The following ABCC4 variants were observed in gnomAD, a reference collection of about 807,000 sequenced individuals.
ABCC4 encodes the protein ATP-binding cassette sub-family C member 4.
A neutral mutation model predicts 168.5 loss-of-function variants in ABCC4; 102 were observed. The ratio of observed to expected loss-of-function variants is 0.61; its 90% CI spans 0.52 to 0.71. The LOEUF (loss-of-function observed/expected upper bound fraction) is 0.71, where lower values mean the gene tolerates loss of function less well. Ranked by LOEUF, ABCC4 falls within the 30% of genes least tolerant of loss-of-function variation. ABCC4 has a pLI of 0.00. For missense variants in ABCC4, 1,402 were observed against 1,605.8 expected (o/e 0.87, Z 2.17); for synonymous variants, 617 against 590.7 (o/e 1.04, Z -0.65).
chr13:95,235,070 T>G (rs2039728249), intron 3 of ABCC4, among the ~76,000 whole-genome samples: 1 of 151,878 alleles, frequency 6.6e-6, no homozygotes, highest in African/African-American at 2.4e-5. Flanking sequence ...TTTTTTTTTT[T>G]GGTCAAGACA....
At chr13:95,061,164 T>C (rs563846936) in intron 26 of ABCC4, among the ~76,000 whole-genome samples, 31 of 152,348 alleles carry the variant, frequency 2.0e-4, no homozygotes, top group Admixed American at 1.9e-3. Context: ...ACACGAGCTA[T>C]TTCCACCTTT....
At chr13:95,245,028 C>T (rs2040070969) in intron 3 of ABCC4, among the ~76,000 whole-genome samples, 1 of 152,134 alleles carries the variant, frequency 6.6e-6, no homozygotes, top group Admixed American at 6.5e-5. Flanking sequence ...GGCCTGTCCT[C>T]AAGTCTCAGG....
intron 1 of ABCC4, chr13:95,266,309 G>A (rs1452427593): frequency 6.6e-6 from 1 of 152,416 alleles, no homozygotes; most frequent in Non-Finnish European, 1.5e-5. Context: ...AACACAGGTA[G>A]AGACTCAAGT....
intron 3 of ABCC4, 111 bp from the exon 4 acceptor site, chr13:95,234,945 T>TA (rs1306293097): frequency 2.6e-5 from 20 of 781,070 alleles, no homozygotes; most frequent in Non-Finnish European, 3.8e-5. Context: ...TGCTGGAGTA[T>TA]AGTGGCACAA....
chr13:95,228,920 A>G (rs2039543747), intron 4 of ABCC4, among the ~76,000 whole-genome samples: 8 of 152,136 alleles, frequency 5.3e-5, no homozygotes, highest in Admixed American at 5.2e-4. Flanking sequence ...GGAAATGGTC[A>G]AGAGGAGAGG....
intron 19 of ABCC4, among the ~76,000 whole-genome samples, chr13:95,153,555 G>A (rs1167309099): frequency 6.6e-6 from 1 of 152,168 alleles, no homozygotes; most frequent in Non-Finnish European, 1.5e-5. Flanking sequence ...ACACAGTTAA[G>A]TAAAATGTCA....
chr13:95,164,861 A>AT (rs1444123149), intron 15 of ABCC4, among the ~76,000 whole-genome samples: 1 of 151,932 alleles, frequency 6.6e-6, no homozygotes, highest in East Asian at 1.9e-4. Flanking sequence ...CGCCTGGCTA[A>AT]TTTTTTGTAT....
At chr13:95,188,368 G>A in intron 10 of ABCC4, 85 bp downstream of exon 10, 1 of 1,237,122 alleles carries the variant, frequency 8.1e-7, no homozygotes, top group Non-Finnish European at 1.2e-6. Context: ...TCAAAATTGT[G>A]TTACACGTAG....
chr13:95,096,652 G>A (rs1343849600), intron 20 of ABCC4, among the ~76,000 whole-genome samples: 1 of 151,886 alleles, frequency 6.6e-6, no homozygotes, highest in African/African-American at 2.4e-5. Context: ...TGTGATATAT[G>A]TACAGTGCCA....
intron 19 of ABCC4, among the ~76,000 whole-genome samples, chr13:95,159,400 CT>C: frequency 6.6e-6 from 1 of 151,908 alleles, no homozygotes; most frequent in East Asian, 1.9e-4. Context: ...TAAAGTCATG[CT>C]AATAGATATA....
chr13:95,035,312 T>C lies in ABCC4; in HGVS notation c.3736-573A>G, dbSNP rs142537554. ...CCAAGAGGGGCTAAACTCTGGATGG[T>C]GAGGTTAAGGTGCATTCTGAAATCG... On this transcript the variant is annotated intron_variant, in intron 29 of 30. Coordinates refer to ENST00000645237, the MANE Select transcript of ABCC4 (RefSeq NM_005845.5). Among the ~76,000 whole-genome samples the C allele has an allele frequency of 4.6e-5, 7 of 152,260 alleles. No homozygotes were observed. In the East Asian group the frequency reaches 1.4e-3, roughly 29 times the overall value.
intron 1 of ABCC4, among the ~76,000 whole-genome samples, chr13:95,290,578 G>A (rs749511167): frequency 7.9e-5 from 12 of 152,008 alleles, no homozygotes; most frequent in Non-Finnish European, 1.5e-4. Flanking sequence ...AGTGCCACAT[G>A]CCTATAATCC....
chr13:95,251,276 CCCTTTCAG>C (rs1313966449), intron 1 of ABCC4, among the ~76,000 whole-genome samples: 1 of 152,072 alleles, frequency 6.6e-6, no homozygotes, highest in Non-Finnish European at 1.5e-5. Flanking sequence ...TCCTTTTGTC[CCCTTTCAG>C]CTCTCTTTTA....
chr13:95,247,840 T>G, intron 1 of ABCC4, 87 bp from the exon 2 acceptor site: 1 of 985,894 alleles, frequency 1.0e-6, no homozygotes, highest in Non-Finnish European at 1.6e-6. Flanking sequence ...TGCTTAAACT[T>G]ACCTTTAAAA....
chr13:95,232,851 T>C (rs1594347253), intron 4 of ABCC4, among the ~76,000 whole-genome samples: 1 of 152,174 alleles, frequency 6.6e-6, no homozygotes, highest in Non-Finnish European at 1.5e-5. Flanking sequence ...CAGCAAACTA[T>C]GGTATTATTT....
At chr13:95,095,747 A>T (rs1462300085) in intron 20 of ABCC4, 1 of 158,270 alleles carries the variant, frequency 6.3e-6, no homozygotes, top group East Asian at 1.8e-4. Context: ...TAAACAGAAC[A>T]CAAAAATCAA....
chr13:95,232,918 T>C (rs9561814), intron 4 of ABCC4, among the ~76,000 whole-genome samples: 40,738 of 152,052 alleles, frequency 0.27, 6,842 homozygotes, highest in Non-Finnish European at 0.36. Flanking sequence ...AATCAGGTCT[T>C]ATCATTATTA....
In ABCC4 at chr13:95,259,489, G is replaced by A. The variant is rs138079821; in HGVS notation, c.75-11736C>T. ...TGAAAAACTCTTTGTTGGGGGTGTCGTCCCGTGCACTGTAGGATGGTTAAC... is the reference window on the plus strand; with the variant it reads ...TGAAAAACTCTTTGTTGGGGGTGTCATCCCGTGCACTGTAGGATGGTTAAC... On this transcript the variant is annotated intron_variant, in intron 1 of 30. Transcript: ENST00000645237. 2.3e-3 allele frequency among the ~76,000 whole-genome samples: 356 copies of A among 152,020 alleles called. 1 individual carries two copies. Among genetic ancestry groups the A allele is most frequent in the African/African-American group, 8.2e-3 (341 of 41,468 alleles).
intron 8 of ABCC4, among the ~76,000 whole-genome samples, chr13:95,196,639 A>G (rs866303272): frequency 0.021 from 193 of 9,344 alleles, 1 homozygote; most frequent in Non-Finnish European, 0.024. Context: ...GAAGGAAGGA[A>G]GGAAGGAAGG....
Sources: allele counts gnomAD v4.1 joint callset (sites outside exome capture counted in the v4.1 genomes callset), GRCh38; gene constraint gnomAD v4.1.1; transcripts MANE v1.5; gene names NCBI Gene and HGNC (gene_info 2026-07-23, HGNC 2026-07-21).